NRG1: variants seen among roughly 807,000 people sequenced by gnomAD.
NRG1 encodes pro-neuregulin-1, membrane-bound isoform.
In NRG1, 18 loss-of-function variants were observed where a neutral mutation model predicts 63.8. The ratio of observed to expected loss-of-function variants is 0.28; its 90% CI spans 0.19 to 0.42. The LOEUF is 0.42. NRG1 is among the 10% of genes least tolerant of loss of function. The probability of loss-of-function intolerance (pLI) is 1.00; values close to 1 mark genes in which losing one functional copy is unlikely to be tolerated. For synonymous variants in NRG1, 302 were observed against 301.3 expected (o/e 1.00, Z -0.02); for missense variants, 762 against 814.7 (o/e 0.94, Z 0.79).
intron 5 of NRG1, among the ~76,000 whole-genome samples, chr8:32,711,788 T>C (rs1232210838): frequency 1.3e-5 from 2 of 152,090 alleles, no homozygotes; most frequent in Admixed American, 6.6e-5. Flanking sequence ...GTAGAAATGG[T>C]AGTTGTGAGC....
chr8:31,881,201 G>A (rs1452024669), intron 1 of NRG1, among the ~76,000 whole-genome samples: 1 of 152,140 alleles, frequency 6.6e-6, no homozygotes, highest in African/African-American at 2.4e-5. Context: ...TGTCAAGCAA[G>A]TCTATTGGTG....
chr8:32,061,514 T>G (rs145416142), intron 1 of NRG1, among the ~76,000 whole-genome samples: 16 of 152,144 alleles, frequency 1.1e-4, no homozygotes, highest in African/African-American at 3.9e-4. Context: ...CGCCTTCCAC[T>G]TGTGATCTGT....
chr8:31,807,086 C>G (rs575802375), intron 1 of NRG1, among the ~76,000 whole-genome samples: 152 of 152,170 alleles, frequency 1.0e-3, no homozygotes, highest in Non-Finnish European at 1.9e-3. Flanking sequence ...GTGTTAAATG[C>G]CGGCCACATT....
intron 1 of NRG1, among the ~76,000 whole-genome samples, chr8:32,429,669 G>A (rs911991402): frequency 1.2e-4 from 18 of 151,780 alleles, no homozygotes; most frequent in Admixed American, 2.6e-4. Flanking sequence ...TGATACTTAC[G>A]CATGGGCAAT....
chr8:32,693,540 AT>A (rs1812433312), intron 5 of NRG1, among the ~76,000 whole-genome samples: 1 of 125,476 alleles, frequency 8.0e-6, no homozygotes, highest in African/African-American at 3.0e-5. Flanking sequence ...TTAAGTGAAT[AT>A]TTTCATTTCC....
chr8:31,862,376 G>T (rs1384396208), intron 1 of NRG1, among the ~76,000 whole-genome samples: 3 of 152,160 alleles, frequency 2.0e-5, no homozygotes, highest in African/African-American at 7.2e-5. Context: ...CAAGGAAAAA[G>T]AAGAGAGGAA....
At chr8:32,441,780 C>T (rs1290558797) in intron 1 of NRG1, among the ~76,000 whole-genome samples, 1 of 152,030 alleles carries the variant, frequency 6.6e-6, no homozygotes, top group East Asian at 1.9e-4. Context: ...AAATGTAATG[C>T]TAACAGTAGG....
At chr8:32,531,633 T>G (rs576203333) in intron 1 of NRG1, among the ~76,000 whole-genome samples, 2 of 152,186 alleles carry the variant, frequency 1.3e-5, no homozygotes, top group East Asian at 1.9e-4. Context: ...ACCTAAAAAC[T>G]TTTGCAACTT....
rs76894354 is a variant in NRG1, at chr8:32,710,716, T to C, written c.503-17233T>C. Among the ~76,000 whole-genome samples the C allele has an allele frequency of 9.2e-4, 140 of 152,326 alleles. 1 individual carries two copies. Among genetic ancestry groups the C allele is most frequent in the African/African-American group, 3.1e-3 (129 of 41,584 alleles). ...ACTCTGGCACTATGTGGTCACATCA[T>C]TGAATTTCTGATAACTTTCATATTA... On this transcript the variant is annotated intron_variant, in intron 5 of 11. Coordinates refer to ENST00000356819, the Ensembl canonical transcript of NRG1.
At chr8:31,836,390 G>A (rs1477677936) in intron 1 of NRG1, among the ~76,000 whole-genome samples, 1 of 152,070 alleles carries the variant, frequency 6.6e-6, no homozygotes, top group African/African-American at 2.4e-5. Flanking sequence ...GAGCAAAAGA[G>A]TTGAAAGTAA....
At chr8:32,353,402 A>G (rs1482214783) in intron 1 of NRG1, among the ~76,000 whole-genome samples, 1 of 151,776 alleles carries the variant, frequency 6.6e-6, no homozygotes, top group African/African-American at 2.4e-5. Context: ...TTATAGAGCT[A>G]TAAACAATTT....
At chr8:32,554,555 A>AT (rs1377312941) in intron 1 of NRG1, among the ~76,000 whole-genome samples, 3 of 152,210 alleles carry the variant, frequency 2.0e-5, no homozygotes, top group African/African-American at 7.2e-5. Context: ...TTTCTTCTAA[A>AT]TTTTTTTAAA....
chr8:31,654,401 T>G (rs1805213493), intron 1 of NRG1, among the ~76,000 whole-genome samples: 1 of 152,256 alleles, frequency 6.6e-6, no homozygotes, highest in Admixed American at 6.5e-5. Flanking sequence ...ATGTTATTGT[T>G]ATGCTGTCTT....
intron 1 of NRG1, among the ~76,000 whole-genome samples, chr8:32,072,851 C>A (rs191382183): frequency 6.6e-6 from 1 of 152,110 alleles, no homozygotes; most frequent in Non-Finnish European, 1.5e-5. Flanking sequence ...AGCTCTACCC[C>A]CTCCACTTTT....
chr8:31,947,967 A>C (rs891391733), intron 1 of NRG1, among the ~76,000 whole-genome samples: 3 of 150,496 alleles, frequency 2.0e-5, no homozygotes, highest in East Asian at 1.9e-4. Context: ...AAAAAAAAAA[A>C]AAAAACTACT....
intron 1 of NRG1, among the ~76,000 whole-genome samples, chr8:32,573,715 A>G (rs1258725792): frequency 1.3e-5 from 2 of 151,962 alleles, no homozygotes; most frequent in Admixed American, 6.6e-5. Context: ...GGTTTGTTAC[A>G]TATGTATACA....
At chr8:31,923,603 T>C (rs1834091572) in intron 1 of NRG1, among the ~76,000 whole-genome samples, 2 of 152,206 alleles carry the variant, frequency 1.3e-5, no homozygotes, top group African/African-American at 4.8e-5. Context: ...TCTGGAAACG[T>C]TTAAAATTAC....
intron 1 of NRG1, among the ~76,000 whole-genome samples, chr8:31,813,027 C>A (rs1823037784): frequency 6.6e-6 from 1 of 152,140 alleles, no homozygotes; most frequent in African/African-American, 2.4e-5. Flanking sequence ...CCAATGTTTT[C>A]TTTTCCACGT....
At chr8:32,575,215 A>C (rs1839390336) in intron 1 of NRG1, among the ~76,000 whole-genome samples, 2 of 152,168 alleles carry the variant, frequency 1.3e-5, no homozygotes, top group African/African-American at 4.8e-5. Context: ...CATGATAGGC[A>C]TTGCCATTCT....
Sources: allele counts gnomAD v4.1 joint callset (sites outside exome capture counted in the v4.1 genomes callset), GRCh38; gene constraint gnomAD v4.1.1; transcripts MANE v1.5; gene names NCBI Gene and HGNC (gene_info 2026-07-23, HGNC 2026-07-21).